The following USP3 variants were observed in gnomAD, a reference collection of about 807,000 sequenced individuals.
USP3 encodes ubiquitin carboxyl-terminal hydrolase 3.
A neutral mutation model predicts 72.3 loss-of-function variants in USP3; 20 were observed. That is an observed-to-expected ratio of 0.28 (90% CI 0.19 to 0.40). USP3 has a LOEUF of 0.40. Ranked by LOEUF, USP3 falls within the 10% of genes least tolerant of loss-of-function variation. The pLI, the probability that USP3 is intolerant of heterozygous loss-of-function variation, is 1.00. For missense variants in USP3, 479 were observed against 633.9 expected, an observed-to-expected ratio of 0.76 and a Z score of 2.62; for synonymous variants, 222 against 225.3, an observed-to-expected ratio of 0.99 and a Z score of 0.13.
chr15:63,586,661 G>A (rs893152911), intron 11 of USP3: 4 of 152,214 alleles, frequency 2.6e-5, no homozygotes, highest in Non-Finnish European at 5.9e-5. Flanking sequence ...TGCAAGTTTG[G>A]TTGTAATGTC....
At chr15:63,505,506 T>A (rs1409653639) in intron 1 of USP3, among the ~76,000 whole-genome samples, 4 of 152,214 alleles carry the variant, frequency 2.6e-5, no homozygotes, top group Non-Finnish European at 4.4e-5. Context: ...CAACAGCTGC[T>A]TTGGAGGGGA....
intron 9 of USP3, among the ~76,000 whole-genome samples, chr15:63,573,693 A>T (rs2066816209): frequency 6.6e-6 from 1 of 152,188 alleles, no homozygotes; most frequent in African/African-American, 2.4e-5. Flanking sequence ...AGGCAGTTTC[A>T]TCCTTTTGAG....
intron 1 of USP3, among the ~76,000 whole-genome samples, chr15:63,507,066 A>AT (rs1303200291): frequency 2.6e-5 from 4 of 151,432 alleles, no homozygotes; most frequent in Admixed American, 1.3e-4. Flanking sequence ...ATATAGTCGT[A>AT]TTTTTTTTCT....
chr15:63,586,758 G>T (rs1018944058), intron 11 of USP3: 1 of 152,226 alleles, frequency 6.6e-6, no homozygotes, highest in African/African-American at 2.4e-5. Context: ...AGGTTGAGCA[G>T]GTTGGCAATG....
chr15:63,507,877 A>G (rs966251880), intron 1 of USP3, among the ~76,000 whole-genome samples: 15 of 134,788 alleles, frequency 1.1e-4, no homozygotes, highest in African/African-American at 3.8e-4. Context: ...GTATTTATTA[A>G]TATGCTTACA....
intron 3 of USP3, among the ~76,000 whole-genome samples, chr15:63,548,798 A>G (rs995995557): frequency 1.9e-4 from 29 of 152,054 alleles, no homozygotes; most frequent in African/African-American, 6.3e-4. Context: ...GGTTCAGGCA[A>G]TTCTCATGCC....
In USP3 at chr15:63,556,766, A is replaced by T; in HGVS notation, c.450+18A>T. On this transcript the variant is annotated intron_variant, in intron 5 of 14. Transcript: ENST00000380324. ...AAGTAAATGTAAGTAATTAAAATTT[A>T]TTCAAATATAAGAGTTAGTTGAGAT... is the stretch of plus-strand genomic sequence containing the variant. The T allele has an allele frequency of 6.7e-7, 1 of 1,492,482 alleles. No individual in the cohort carries two copies. The highest frequency in any genetic ancestry group is 2.4e-5 in the East Asian group (1 of 41,560). 92.5% of individuals were successfully genotyped at this position (1,492,482 alleles called of 1,614,324 possible). A position where few individuals can be genotyped will look rare whatever the true frequency, so the allele number is the denominator to read the frequency against.
chr15:63,548,200 G>T (rs1180385985), intron 3 of USP3, among the ~76,000 whole-genome samples: 1 of 148,580 alleles, frequency 6.7e-6, no homozygotes, highest in Admixed American at 6.7e-5. Flanking sequence ...TGTGATCACA[G>T]CTCACTGCAG....
chr15:63,510,074 G>A (rs74024861), intron 1 of USP3, among the ~76,000 whole-genome samples: 1,819 of 152,238 alleles, frequency 0.012, 33 homozygotes, highest in African/African-American at 0.042. Flanking sequence ...CCTTAGGCTC[G>A]TGTAACAGCC....
chr15:63,558,394 G>T lies in USP3; in HGVS notation c.533+206G>T, dbSNP rs538272830. Among the ~76,000 whole-genome samples the T allele has an allele frequency of 3.2e-4, 48 of 152,202 alleles. 1 individual carries two copies. The highest frequency in any genetic ancestry group is 1.2e-3 in the African/African-American group (48 of 41,532). ...TTGGGAAGATTGAATAATGTAATTTGTCTAAAGTACTTAGAGCAGTGTCCT... is the reference window on the plus strand; with the variant it reads ...TTGGGAAGATTGAATAATGTAATTTTTCTAAAGTACTTAGAGCAGTGTCCT... On this transcript the variant is annotated intron_variant, in intron 6 of 14. Transcript: ENST00000380324.
Position 63,590,943 on chromosome 15 carries a change from T to C in USP3, c.*117T>C. The C allele has an allele frequency of 7.6e-7, 1 of 1,322,984 alleles. No individual in the cohort carries two copies. Among genetic ancestry groups the C allele is most frequent in the Non-Finnish European group, 9.9e-7 (1 of 1,007,632 alleles). The allele number at this position is 1,322,984 out of a possible 1,614,324, so 82.0% of individuals were successfully genotyped here. A position where few individuals can be genotyped will look rare whatever the true frequency, so the allele number is the denominator to read the frequency against. On this transcript the variant is annotated 3_prime_UTR_variant, in exon 15 of 15. Transcript: ENST00000380324. Reference sequence around the variant, plus strand: ...ACTTTTCAATTTCCTATTTTGGATTTAGTTTTGTCAATGGTAGTGACTTAC... The same window carrying C: ...ACTTTTCAATTTCCTATTTTGGATTCAGTTTTGTCAATGGTAGTGACTTAC...
chr15:63,589,665 G>A (rs2067147618), intron 14 of USP3, among the ~76,000 whole-genome samples: 1 of 151,990 alleles, frequency 6.6e-6, no homozygotes, highest in Admixed American at 6.6e-5. Flanking sequence ...TTTTAATTTG[G>A]TGCCTTCAGC....
chr15:63,582,352 C>G (rs913964766), intron 11 of USP3, among the ~76,000 whole-genome samples: 8 of 152,196 alleles, frequency 5.3e-5, no homozygotes, highest in African/African-American at 1.9e-4. Flanking sequence ...CCCCAGGAGG[C>G]CCTACTGGGC....
chr15:63,522,531 C>T (rs2065933577), intron 1 of USP3, among the ~76,000 whole-genome samples: 1 of 152,052 alleles, frequency 6.6e-6, no homozygotes, highest in Non-Finnish European at 1.5e-5. Flanking sequence ...GGATATTGCT[C>T]CTTAAAGAGA....
intron 11 of USP3, among the ~76,000 whole-genome samples, chr15:63,583,816 G>A (rs910870150): frequency 6.6e-6 from 1 of 152,086 alleles, no homozygotes; most frequent in East Asian, 1.9e-4. Flanking sequence ...CTTCCTTTTT[G>A]AGGCTTAATA....
At chr15:63,534,287 A>G (rs2066120870) in intron 2 of USP3, among the ~76,000 whole-genome samples, 1 of 152,152 alleles carries the variant, frequency 6.6e-6, no homozygotes, top group African/African-American at 2.4e-5. Context: ...TTGATTGCCA[A>G]ATTTATTGAT....
rs1355027201 is a variant in USP3, at chr15:63,528,392, T to C, written c.92-4255T>C. On this transcript the variant is annotated intron_variant, in intron 1 of 14. Transcript: ENST00000380324. This position sits in a 1 kb window ranked among gnomAD's most constrained non-coding sequence, Gnocchi z 4.3. Reference sequence around the variant, plus strand: ...AATTGGATGTATTAAAGAGCCCTTATAAATTCCCAGACTTAACTTTTTAAG... The same window carrying C: ...AATTGGATGTATTAAAGAGCCCTTACAAATTCCCAGACTTAACTTTTTAAG... Among the ~76,000 whole-genome samples the C allele has an allele frequency of 1.3e-5, 2 of 152,146 alleles. No individual in the cohort carries two copies. The highest frequency in any genetic ancestry group is 2.1e-4 in the South Asian group (1 of 4,836).
At chr15:63,555,797 T>C (rs1274533509) in intron 4 of USP3, among the ~76,000 whole-genome samples, 1 of 152,192 alleles carries the variant, frequency 6.6e-6, no homozygotes. Context: ...GAAGAACATT[T>C]TGAGGTTTGA....
chr15:63,594,214 C>T lies in USP3; in HGVS notation c.*3388C>T, dbSNP rs923035235. 2 of 152,236 alleles carry T rather than the reference C, an allele frequency of 1.3e-5. No homozygotes were observed. The highest frequency in any genetic ancestry group is 1.5e-5 in the Non-Finnish European group (1 of 68,054). 9.4% of individuals were successfully genotyped at this position (152,236 alleles called of 1,614,324 possible). Reference sequence around the variant, plus strand: ...ATCCCACTTTAATCTCCACCAGCCCCTAAACTCTCTCCTGTACCCTCTGTT... The same window carrying T: ...ATCCCACTTTAATCTCCACCAGCCCTTAAACTCTCTCCTGTACCCTCTGTT... On this transcript the variant is annotated 3_prime_UTR_variant, in exon 15 of 15. Coordinates refer to ENST00000380324, the MANE Select transcript of USP3 (RefSeq NM_006537.4).
Sources: gnomAD v4.1 joint callset for allele counts (sites outside exome capture counted in the v4.1 genomes callset) on GRCh38, gnomAD v4.1.1 for gene constraint, Gnocchi (gnomAD v3.1) non-coding constraint, MANE v1.5 for transcripts, NCBI Gene and HGNC (gene_info 2026-07-23, HGNC 2026-07-21) for gene names.